Variants in AUTS2 observed in about 807,000 individuals in gnomAD.
AUTS2 encodes the protein autism susceptibility gene 2 protein.
Under a neutral mutation model 112.4 loss-of-function variants are expected in AUTS2, and 17 were observed. That is an observed-to-expected ratio of 0.15 (90% CI 0.10 to 0.23). The LOEUF is 0.23. AUTS2 is among the 10% of genes least tolerant of loss of function. AUTS2 has a pLI of 1.00. For missense variants in AUTS2, 1,510 were observed against 1,701.6 expected (o/e 0.89, Z 1.98); for synonymous variants, 751 against 702.7 (o/e 1.07, Z -1.09).
chr7:70,067,182 A>G (rs1358557917), intron 2 of AUTS2, among the ~76,000 whole-genome samples: 1 of 152,248 alleles, frequency 6.6e-6, no homozygotes, highest in African/African-American at 2.4e-5. Context: ...GAGAATCATC[A>G]TTAAAACAAT....
intron 1 of AUTS2, among the ~76,000 whole-genome samples, chr7:69,714,705 A>G (rs1318707591): frequency 6.6e-6 from 1 of 152,040 alleles, no homozygotes; most frequent in Non-Finnish European, 1.5e-5. Context: ...TTACCTTTCC[A>G]TAGAAATTTT....
chr7:69,654,877 C>A (rs1400344549), intron 1 of AUTS2, among the ~76,000 whole-genome samples: 1 of 152,104 alleles, frequency 6.6e-6, no homozygotes, highest in Non-Finnish European at 1.5e-5. Flanking sequence ...GCTGTAGTCC[C>A]TCTTGACTGT....
chr7:70,108,179 A>T (rs773711475), intron 2 of AUTS2, among the ~76,000 whole-genome samples: 7 of 152,018 alleles, frequency 4.6e-5, no homozygotes, highest in Non-Finnish European at 8.8e-5. Flanking sequence ...TGAGATTTTA[A>T]TTTTTGGCTG....
At chr7:69,930,337 C>G (rs919939691) in intron 2 of AUTS2, among the ~76,000 whole-genome samples, 3 of 152,284 alleles carry the variant, frequency 2.0e-5, no homozygotes, top group East Asian at 3.9e-4. Context: ...CTCTAGTCCT[C>G]TATCCTATGA....
chr7:70,036,357 G>A (rs1359703118), intron 2 of AUTS2, among the ~76,000 whole-genome samples: 1 of 152,216 alleles, frequency 6.6e-6, no homozygotes, highest in Non-Finnish European at 1.5e-5. Flanking sequence ...GACTTGGCTA[G>A]AACAATTAAA....
At chr7:70,603,327 C>T (rs1803571919) in intron 5 of AUTS2, among the ~76,000 whole-genome samples, 1 of 152,202 alleles carries the variant, frequency 6.6e-6, no homozygotes. Flanking sequence ...ACACTCCTCC[C>T]AGTGTCAGTG....
chr7:70,085,764 T>C (rs1803566055), intron 2 of AUTS2, among the ~76,000 whole-genome samples: 1 of 152,226 alleles, frequency 6.6e-6, no homozygotes, highest in Non-Finnish European at 1.5e-5. Flanking sequence ...CAAAAATCAG[T>C]TGTTTATTTA....
intron 5 of AUTS2, among the ~76,000 whole-genome samples, chr7:70,498,399 A>T (rs1021908476): frequency 7.2e-5 from 11 of 152,152 alleles, no homozygotes; most frequent in African/African-American, 2.7e-4. Context: ...GTATCACATT[A>T]CCTATGTGGA....
intron 2 of AUTS2, among the ~76,000 whole-genome samples, chr7:70,025,200 C>A (rs1400883104): frequency 6.6e-6 from 1 of 152,072 alleles, no homozygotes; most frequent in South Asian, 2.1e-4. Flanking sequence ...CTCATGTAAT[C>A]CTCTTGACAA....
intron 2 of AUTS2, among the ~76,000 whole-genome samples, chr7:70,018,987 A>C (rs1800154223): frequency 6.6e-6 from 1 of 152,202 alleles, no homozygotes; most frequent in South Asian, 2.1e-4. Context: ...TACTACTCAC[A>C]GTATCAAAGG....
At chr7:70,336,521 C>T (rs1055947753) in intron 4 of AUTS2, among the ~76,000 whole-genome samples, 1 of 152,202 alleles carries the variant, frequency 6.6e-6, no homozygotes, top group Non-Finnish European at 1.5e-5. Context: ...TATACCTTGA[C>T]TTTGCTGACG....
intron 1 of AUTS2, among the ~76,000 whole-genome samples, chr7:69,883,000 T>G (rs1268122646): frequency 6.6e-6 from 1 of 152,222 alleles, no homozygotes; most frequent in East Asian, 1.9e-4. Flanking sequence ...TCCCAAGCAC[T>G]TTCCACAAAT....
chr7:70,633,610 CAAA>C (rs71870928), intron 5 of AUTS2, among the ~76,000 whole-genome samples: 8 of 104,876 alleles, frequency 7.6e-5, no homozygotes, highest in Non-Finnish European at 5.6e-5. Flanking sequence ...GACTCCGTCT[CAAA>C]AAAAAAAAAA....
At chr7:69,859,123 G>T (rs1792864113) in intron 1 of AUTS2, among the ~76,000 whole-genome samples, 3 of 152,168 alleles carry the variant, frequency 2.0e-5, no homozygotes, top group Non-Finnish European at 1.5e-5. Context: ...ATGAAAGCAA[G>T]AGCTATTAAC....
chr7:69,917,628 C>T (rs1363504627), intron 2 of AUTS2, among the ~76,000 whole-genome samples: 1 of 152,062 alleles, frequency 6.6e-6, no homozygotes, highest in African/African-American at 2.4e-5. Context: ...GTAGTAGTTA[C>T]AATATATTGT....
chr7:70,792,326 A>T lies in AUTS2; in HGVS notation c.*1330A>T, dbSNP rs1792021586. 1.3e-5 allele frequency: 2 copies of T among 152,620 alleles called. No individual in the cohort carries two copies. Among genetic ancestry groups the T allele is most frequent in the Non-Finnish European group, 2.9e-5 (2 of 68,036 alleles). 9.5% of individuals were successfully genotyped at this position (152,620 alleles called of 1,614,324 possible). On this transcript the variant is annotated 3_prime_UTR_variant, in exon 19 of 19. Transcript: ENST00000342771. Reference sequence around the variant, plus strand: ...CTTCATAATACTTTTATAATACATTAAGCCTCTTGTCTACATATTTGGAGA... The same window carrying T: ...CTTCATAATACTTTTATAATACATTTAGCCTCTTGTCTACATATTTGGAGA...
intron 2 of AUTS2, among the ~76,000 whole-genome samples, chr7:70,074,677 A>G (rs1411521201): frequency 6.6e-6 from 1 of 152,152 alleles, no homozygotes; most frequent in Non-Finnish European, 1.5e-5. Flanking sequence ...TGTCATCTTC[A>G]GGTTTGGTTG....
chr7:69,989,303 C>T (rs145530539), intron 2 of AUTS2, among the ~76,000 whole-genome samples: 51 of 152,192 alleles, frequency 3.4e-4, no homozygotes, highest in East Asian at 1.9e-3. Context: ...TCCTGGGTAA[C>T]GCTGTTAAGA....
intron 1 of AUTS2, among the ~76,000 whole-genome samples, chr7:69,610,709 G>A (rs1169719228): frequency 6.6e-6 from 1 of 152,198 alleles, no homozygotes; most frequent in African/African-American, 2.4e-5. Flanking sequence ...TCAGAGCTTG[G>A]TTTTCAAGTG....
Sources: allele counts gnomAD v4.1 joint callset (sites outside exome capture counted in the v4.1 genomes callset), GRCh38; gene constraint gnomAD v4.1.1; transcripts MANE v1.5; gene names NCBI Gene and HGNC (gene_info 2026-07-23, HGNC 2026-07-21).